The following FAM227B variants were observed in gnomAD, a reference collection of about 807,000 sequenced individuals.
The protein encoded by FAM227B is family with sequence similarity 227 member B.
FAM227B carries 88 observed loss-of-function variants against 73.8 expected under a neutral mutation model. The ratio of observed to expected loss-of-function variants is 1.19; its 90% CI spans 1.00 to 1.42. The LOEUF (loss-of-function observed/expected upper bound fraction) is 1.42, where lower values mean the gene tolerates loss of function less well. Ranked by LOEUF, FAM227B falls within the 40% of genes most tolerant of loss-of-function variation. The probability of loss-of-function intolerance (pLI) is 0.00; values close to 1 mark genes in which losing one functional copy is unlikely to be tolerated. For missense variants in FAM227B, 632 were observed against 590.9 expected (o/e 1.07, Z -0.72); for synonymous variants, 210 against 190.5 (o/e 1.10, Z -0.84).
At position 49,589,754 on chromosome 15, in the gene FAM227B, GATAAAA is replaced by G. The variant is rs746996057; in HGVS notation, c.337+16_337+21del. The stretch of plus-strand genomic sequence containing the variant: ...ATAGTGAGACTCCATTTCTATAAAA[GATAAAA>G]ATAAATAAGGCTCACTTGTCTCAGA... On this transcript the variant is annotated intron_variant, in intron 4 of 15. Transcript: ENST00000299338. 2 of 1,414,542 alleles carry G rather than the reference GATAAAA, an allele frequency of 1.4e-6. No individual in the cohort carries two copies. The highest frequency in any genetic ancestry group is 4.6e-5 in the East Asian group (2 of 43,640). The allele number at this position is 1,414,542 out of a possible 1,614,324, so 87.6% of individuals were successfully genotyped here. A position where few individuals can be genotyped will look rare whatever the true frequency, so the allele number is the denominator to read the frequency against.
chr15:49,454,619 TA>T (rs772639828), intron 11 of FAM227B, among the ~76,000 whole-genome samples: 14 of 152,316 alleles, frequency 9.2e-5, no homozygotes, highest in East Asian at 1.9e-4. Flanking sequence ...TTTTTTATAT[TA>T]TTTTTTTGAG....
rs927421125 is a variant in FAM227B at position 49,577,559 on chromosome 15, T to C, written c.441+70A>G. The C allele has an allele frequency of 1.3e-5, 12 of 941,206 alleles. No homozygotes were observed. In the African/African-American group the frequency reaches 1.8e-4, roughly 14 times the overall value. 58.3% of individuals were successfully genotyped at this position (941,206 alleles called of 1,614,324 possible). On this transcript the variant is annotated intron_variant, in intron 6 of 15. Coordinates refer to ENST00000299338, the MANE Select transcript of FAM227B (RefSeq NM_152647.3). ...TATATTTAGAGCCTTGTTTATATTG[T>C]TGTAAACATTATTTTAGTCCTACAT...
intron 11 of FAM227B, among the ~76,000 whole-genome samples, chr15:49,411,794 A>T (rs1240946090): frequency 6.6e-6 from 1 of 152,132 alleles, no homozygotes; most frequent in Non-Finnish European, 1.5e-5. Context: ...TACCATTCAA[A>T]TTGGGCTTTG....
chr15:49,357,359 G>C lies in FAM227B; in HGVS notation c.1271+10089C>G, dbSNP rs1317440460. Among the ~76,000 whole-genome samples the C allele has an allele frequency of 3.3e-5, 5 of 149,638 alleles. No homozygotes were observed. The East Asian group carries it at 5.9e-4, about 18-fold the overall frequency. On this transcript the variant is annotated intron_variant, in intron 13 of 15. Transcript: ENST00000299338. The stretch of plus-strand genomic sequence containing the variant: ...CTAGCAAGACTAATAAAGAAAAAAA[G>C]AGAGAAGAATCAAATAGACGCAATA...
chr15:49,476,212 G>GTTTTTTTTTTTTTTTTTTTTTTTTTTTTT (rs1567351529), intron 11 of FAM227B, among the ~76,000 whole-genome samples: 1 of 81,256 alleles, frequency 1.2e-5, no homozygotes, highest in African/African-American at 3.3e-5. Context: ...TTATTTTGCT[G>GTTTTTTTTTTTTTTTTTTTTTTTTTTTTT]TTTTGTTTTT....
intron 11 of FAM227B, among the ~76,000 whole-genome samples, chr15:49,411,321 A>G (rs923811330): frequency 6.6e-6 from 1 of 152,116 alleles, no homozygotes; most frequent in Non-Finnish European, 1.5e-5. Flanking sequence ...TGTTGAAAGA[A>G]AAAAAGTCCC....
chr15:49,571,209 CCTG>C (rs1361822643), intron 8 of FAM227B, among the ~76,000 whole-genome samples: 2 of 151,598 alleles, frequency 1.3e-5, no homozygotes, highest in Non-Finnish European at 3.0e-5. Context: ...AGGTTGTTTT[CCTG>C]CTATTAAATT....
chr15:49,563,380 TG>T lies in FAM227B; in HGVS notation c.747+4864del, dbSNP rs551210835. 2.3e-3 allele frequency among the ~76,000 whole-genome samples: 350 copies of T among 152,230 alleles called. 3 individuals carry two copies. The highest frequency in any genetic ancestry group is 9.1e-3 in the South Asian group (44 of 4,826). On this transcript the variant is annotated intron_variant, in intron 9 of 15. Coordinates refer to ENST00000299338, the MANE Select transcript of FAM227B (RefSeq NM_152647.3). ...GGAAAAACATTCCACACTCACGGAA[TG>T]GAAGAATCAACATTGTTAAAAATGG...
intron 3 of FAM227B, among the ~76,000 whole-genome samples, chr15:49,598,840 T>C (rs1356019177): frequency 2.0e-5 from 3 of 152,060 alleles, no homozygotes; most frequent in African/African-American, 2.4e-5. Flanking sequence ...TACTGTTGAA[T>C]TGGGTTCGCT....
intron 11 of FAM227B, among the ~76,000 whole-genome samples, chr15:49,466,892 A>C (rs1243598843): frequency 1.3e-5 from 2 of 152,096 alleles, no homozygotes; most frequent in African/African-American, 4.8e-5. Flanking sequence ...TAACTACTCC[A>C]CATAAGAATT....
chr15:49,612,822 TGGG>T (rs896009950), intron 2 of FAM227B, among the ~76,000 whole-genome samples: 3 of 152,120 alleles, frequency 2.0e-5, no homozygotes, highest in Non-Finnish European at 4.4e-5. Context: ...ATATTTGAAT[TGGG>T]GGATATTTCA....
chr15:49,582,472 C>A (rs1270088687), intron 5 of FAM227B, among the ~76,000 whole-genome samples: 2 of 152,184 alleles, frequency 1.3e-5, no homozygotes, highest in African/African-American at 4.8e-5. Context: ...AACCCAGATT[C>A]ATAAAGCAAG....
intron 3 of FAM227B, among the ~76,000 whole-genome samples, chr15:49,590,828 TCACAAGCCC>T (rs2076478375): frequency 6.6e-6 from 1 of 152,032 alleles, no homozygotes; most frequent in Admixed American, 6.6e-5. Flanking sequence ...TCCCTTTCTT[TCACAAGCCC>T]CAGTAAGACT....
At chr15:49,605,447 C>T (rs1469130791) in intron 3 of FAM227B, among the ~76,000 whole-genome samples, 1 of 152,204 alleles carries the variant, frequency 6.6e-6, no homozygotes, top group Non-Finnish European at 1.5e-5. Flanking sequence ...GCAGCCTGTA[C>T]ACTTAATCTG....
intron 11 of FAM227B, among the ~76,000 whole-genome samples, chr15:49,417,202 G>A (rs552332236): frequency 1.9e-4 from 29 of 152,114 alleles, no homozygotes; most frequent in South Asian, 1.0e-3. Flanking sequence ...GACCAGCCTG[G>A]GCAACAAGGA....
At chr15:49,551,097 C>G (rs544530913) in intron 9 of FAM227B, among the ~76,000 whole-genome samples, 7 of 152,246 alleles carry the variant, frequency 4.6e-5, no homozygotes, top group Non-Finnish European at 1.0e-4. Flanking sequence ...CCAGCCAACA[C>G]AGCGAAACCC....
At position 49,366,783 on chromosome 15, in the gene FAM227B, G is replaced by A. The variant is rs551733007; in HGVS notation, c.1271+665C>T. 397 of 603,660 alleles carry A rather than the reference G, an allele frequency of 6.6e-4. 3 individuals carry two copies. Among genetic ancestry groups the A allele is most frequent in the South Asian group, 2.8e-3 (135 of 48,896 alleles). 37.4% of individuals were successfully genotyped at this position (603,660 alleles called of 1,614,324 possible). ...CGCTGCCTCCGTGGCGGGGGCGGCC[G>A]GGCTAGGCTGGGATCGCCGCTGCTG... On this transcript the variant is annotated intron_variant, in intron 13 of 15. Transcript: ENST00000299338.
intron 3 of FAM227B, among the ~76,000 whole-genome samples, chr15:49,591,029 G>GTTTTTTTTTT (rs71424023): frequency 2.8e-5 from 3 of 105,608 alleles, no homozygotes; most frequent in East Asian, 2.8e-4. Flanking sequence ...TCTTTTTTTT[G>GTTTTTTTTTT]TTTTTTTTTT....
intron 10 of FAM227B, among the ~76,000 whole-genome samples, chr15:49,512,800 G>A (rs2059105567): frequency 6.6e-6 from 1 of 151,912 alleles, no homozygotes; most frequent in African/African-American, 2.4e-5. Context: ...TCCTCCCTGT[G>A]TCCACGTGTT....
Sources: allele counts gnomAD v4.1 joint callset (sites outside exome capture counted in the v4.1 genomes callset), GRCh38; gene constraint gnomAD v4.1.1; transcripts MANE v1.5; gene names NCBI Gene and HGNC (gene_info 2026-07-23, HGNC 2026-07-21).